KLHL32: variants seen among roughly 807,000 people sequenced by gnomAD.
The protein encoded by KLHL32 is kelch-like protein 32.
KLHL32 carries 35 observed loss-of-function variants against 64.8 expected under a neutral mutation model. The ratio of observed to expected loss-of-function variants is 0.54; its 90% CI spans 0.41 to 0.72. KLHL32 has a LOEUF of 0.72. Among genes scored for constraint, KLHL32 ranks in the 30% least tolerant of loss-of-function variants. The probability of loss-of-function intolerance (pLI) is 0.00; values close to 1 mark genes in which losing one functional copy is unlikely to be tolerated. For synonymous variants in KLHL32, 259 were observed against 281.0 expected, an observed-to-expected ratio of 0.92 and a Z score of 0.78; for missense variants, 589 against 768.5, an observed-to-expected ratio of 0.77 and a Z score of 2.76.
intron 3 of KLHL32, among the ~76,000 whole-genome samples, chr6:96,982,176 T>G (rs973445311): frequency 6.6e-6 from 1 of 152,144 alleles, no homozygotes; most frequent in Admixed American, 6.6e-5. Flanking sequence ...TATTATTATG[T>G]GGTTATTTAA....
intron 5 of KLHL32, among the ~76,000 whole-genome samples, chr6:97,081,965 T>C (rs1792609682): frequency 1.3e-5 from 2 of 152,154 alleles, no homozygotes. Flanking sequence ...GCCCCGGTCA[T>C]GGAAGGCTAT....
At chr6:97,108,635 G>A (rs1796719953) in intron 6 of KLHL32, among the ~76,000 whole-genome samples, 1 of 152,122 alleles carries the variant, frequency 6.6e-6, no homozygotes, top group Non-Finnish European at 1.5e-5. Context: ...TTTCAGTGGG[G>A]TTTCTCCTTT....
upstream of KLHL32, among the ~76,000 whole-genome samples, chr6:96,919,699 T>G (rs1453149542): frequency 2.6e-5 from 4 of 152,178 alleles, no homozygotes; most frequent in Non-Finnish European, 5.9e-5. Flanking sequence ...TACTAATGTA[T>G]TTTAATATAA....
At chr6:96,911,741 T>C in the KLHL32 span, among the ~76,000 whole-genome samples, 792 of 151,812 alleles carry the variant, frequency 5.2e-3, 4 homozygotes, top group Non-Finnish European at 8.6e-3. Flanking sequence ...TTTTCTTACT[T>C]ATTACTCAGC....
intron 3 of KLHL32, among the ~76,000 whole-genome samples, chr6:97,016,316 CA>C (rs1328052470): frequency 2.6e-5 from 4 of 152,264 alleles, no homozygotes; most frequent in African/African-American, 9.6e-5. Context: ...TGCGAAGCCA[CA>C]GGGGTGGCTG....
At chr6:97,115,667 A>G (rs1180180175) in intron 7 of KLHL32, among the ~76,000 whole-genome samples, 1 of 152,114 alleles carries the variant, frequency 6.6e-6, no homozygotes, top group Non-Finnish European at 1.5e-5. Context: ...TTTCAATCTT[A>G]GTTTTGAGAA....
At chr6:96,946,369 T>G (rs1228736568) in intron 1 of KLHL32, among the ~76,000 whole-genome samples, 1 of 152,152 alleles carries the variant, frequency 6.6e-6, no homozygotes, top group African/African-American at 2.4e-5. Flanking sequence ...TATCACTTAC[T>G]TATTTGCCAT....
chr6:97,042,153 T>G (rs1785220656), intron 4 of KLHL32, among the ~76,000 whole-genome samples: 1 of 152,218 alleles, frequency 6.6e-6, no homozygotes, highest in African/African-American at 2.4e-5. Context: ...ACTACTCAAA[T>G]AAATCAATTC....
In KLHL32 at chr6:96,943,448, A is replaced by G. The variant is rs76893605; in HGVS notation, c.-66+18422A>G. 4.3e-3 allele frequency among the ~76,000 whole-genome samples: 652 copies of G among 152,122 alleles called. 5 individuals carry two copies. Among genetic ancestry groups the G allele is most frequent in the Middle Eastern group, 0.01 (3 of 294 alleles). On this transcript the variant is annotated intron_variant, in intron 1 of 10. Transcript: ENST00000369261. ...AGATTTCTCACCCACACACAGGCTG[A>G]CACCTGTTTTACTTATTACTGCTGA...
At chr6:97,035,890 T>A (rs961978835) in intron 3 of KLHL32, among the ~76,000 whole-genome samples, 1 of 152,178 alleles carries the variant, frequency 6.6e-6, no homozygotes, top group Non-Finnish European at 1.5e-5. Context: ...TTTAGAATGT[T>A]TTTGGTAATT....
chr6:96,914,686 T>C, the KLHL32 span: 1 of 152,108 alleles, frequency 6.6e-6, no homozygotes, highest in African/African-American at 2.4e-5. Flanking sequence ...TCTTTTTCTT[T>C]TATTTTTTTT....
chr6:97,051,545 T>C (rs1046812266), intron 4 of KLHL32, among the ~76,000 whole-genome samples: 1 of 152,210 alleles, frequency 6.6e-6, no homozygotes, highest in African/African-American at 2.4e-5. Context: ...GAAAGTTCCA[T>C]TGCTACATAT....
intron 3 of KLHL32, among the ~76,000 whole-genome samples, chr6:96,988,891 G>A (rs987801944): frequency 4.6e-5 from 7 of 152,124 alleles, no homozygotes; most frequent in Admixed American, 3.9e-4. Flanking sequence ...ACTCACAGGT[G>A]GGAATTGAAC....
At chr6:97,033,426 G>A (rs775081550) in intron 3 of KLHL32, among the ~76,000 whole-genome samples, 14 of 152,052 alleles carry the variant, frequency 9.2e-5, no homozygotes, top group Admixed American at 6.6e-5. Flanking sequence ...CCATTCATCC[G>A]TTGAGGGACA....
intron 3 of KLHL32, among the ~76,000 whole-genome samples, chr6:97,038,601 A>C (rs760327414): frequency 6.6e-6 from 1 of 152,164 alleles, no homozygotes; most frequent in Non-Finnish European, 1.5e-5. Context: ...AATGGTATGG[A>C]GGTTCCTCAA....
intron 3 of KLHL32, among the ~76,000 whole-genome samples, chr6:97,025,508 G>A (rs1782596029): frequency 6.6e-6 from 1 of 152,202 alleles, no homozygotes; most frequent in Non-Finnish European, 1.5e-5. Flanking sequence ...AGATATGAAT[G>A]CATTTCTCAG....
At chr6:97,092,269 G>A (rs1006190228) in intron 6 of KLHL32, among the ~76,000 whole-genome samples, 1 of 152,140 alleles carries the variant, frequency 6.6e-6, no homozygotes, top group Non-Finnish European at 1.5e-5. Context: ...GATTACAGGC[G>A]TGAGCCACCG....
intron 1 of KLHL32, among the ~76,000 whole-genome samples, chr6:96,966,338 G>A (rs1402447566): frequency 6.6e-6 from 1 of 152,158 alleles, no homozygotes; most frequent in Non-Finnish European, 1.5e-5. Flanking sequence ...CAAAGACACG[G>A]GATGGGGGCA....
chr6:97,075,439 T>C (rs1304186697), intron 5 of KLHL32, among the ~76,000 whole-genome samples: 1 of 152,214 alleles, frequency 6.6e-6, no homozygotes, highest in Admixed American at 6.5e-5. Flanking sequence ...CTGGCCTGCA[T>C]TGTCAATGAA....
Sources: allele counts gnomAD v4.1 joint callset (sites outside exome capture counted in the v4.1 genomes callset), GRCh38; gene constraint gnomAD v4.1.1; transcripts MANE v1.5; gene names NCBI Gene and HGNC (gene_info 2026-07-23, HGNC 2026-07-21).